The following DRGX variants were observed in gnomAD, a reference collection of about 807,000 sequenced individuals.
DRGX encodes the protein dorsal root ganglia homeobox.
Under a neutral mutation model 28.6 loss-of-function variants are expected in DRGX, and 21 were observed. That is an observed-to-expected ratio of 0.73 (90% CI 0.52 to 1.06). The LOEUF is 1.06. DRGX is among the 50% of genes least tolerant of loss of function. The pLI is 0.00. For missense variants in DRGX, 354 were observed against 343.9 expected, an observed-to-expected ratio of 1.03 and a Z score of -0.23; for synonymous variants, 136 against 139.1, an observed-to-expected ratio of 0.98 and a Z score of 0.16.
At chr10:49,392,807 G>GA (rs1849924651) in intron 2 of DRGX, among the ~76,000 whole-genome samples, 1 of 152,148 alleles carries the variant, frequency 6.6e-6, no homozygotes, top group African/African-American at 2.4e-5. Context: ...AAAATAAGTA[G>GA]AATAGTCGAT....
Position 49,390,152 on chromosome 10 carries a change from A to G in DRGX, c.215T>C (p.Leu72Pro). The G allele has an allele frequency of 1.2e-6, 2 of 1,612,178 alleles. No individual in the cohort carries two copies. Among genetic ancestry groups the G allele is most frequent in the Non-Finnish European group, 1.7e-6 (2 of 1,179,216 alleles). ...GTTTACCTGCACTCTGGCTTCTGTG[A>G]GGTTTATTTTCATGGCGAGCTCTTC... ...TREELAMKIN[L>P]TEARVQVWFQ... Residue 72 changes from leucine (L) to proline (P), a missense_variant, in exon 4 of 7, where the codon CTC becomes CCC. Coordinates refer to ENST00000374139, the MANE Select transcript of DRGX (RefSeq NM_001276451.2).
intron 6 of DRGX, among the ~76,000 whole-genome samples, chr10:49,374,880 G>T (rs1192059893): frequency 6.6e-6 from 1 of 152,196 alleles, no homozygotes; most frequent in African/African-American, 2.4e-5. Flanking sequence ...AGGGTAACAA[G>T]AGTTGAACAG....
At chr10:49,372,283 A>G (rs1258525069) in intron 6 of DRGX, among the ~76,000 whole-genome samples, 1 of 152,248 alleles carries the variant, frequency 6.6e-6, no homozygotes, top group Non-Finnish European at 1.5e-5. Flanking sequence ...CCAAGTCATC[A>G]TTATGGAAAT....
At chr10:49,394,674 G>A (rs1217458227) in intron 2 of DRGX, among the ~76,000 whole-genome samples, 1 of 152,140 alleles carries the variant, frequency 6.6e-6, no homozygotes, top group Non-Finnish European at 1.5e-5. Context: ...ACCAACCCAC[G>A]CCCCCACTAA....
intron 6 of DRGX, among the ~76,000 whole-genome samples, chr10:49,383,241 G>T (rs372697678): frequency 2.6e-5 from 4 of 152,216 alleles, no homozygotes; most frequent in Admixed American, 6.5e-5. Flanking sequence ...CCACACTACC[G>T]TGAGAATTGA....
chr10:49,373,178 C>CA (rs1228608559), intron 6 of DRGX, among the ~76,000 whole-genome samples: 3 of 151,834 alleles, frequency 2.0e-5, no homozygotes, highest in Non-Finnish European at 4.4e-5. Context: ...CATATAGCAG[C>CA]AAAAAATCAT....
chr10:49,370,242 T>C (rs965594155), intron 6 of DRGX, among the ~76,000 whole-genome samples: 2 of 152,046 alleles, frequency 1.3e-5, no homozygotes, highest in Admixed American at 1.3e-4. Flanking sequence ...CCGTCTCTAC[T>C]AAAAATACAA....
At chr10:49,380,096 T>G (rs893369192) in intron 6 of DRGX, among the ~76,000 whole-genome samples, 1 of 152,226 alleles carries the variant, frequency 6.6e-6, no homozygotes, top group Admixed American at 6.5e-5. Flanking sequence ...CCAGAAGGCT[T>G]ACCCCTCCCA....
rs375463128 is a variant in DRGX at position 49,368,341 on chromosome 10, C to T, written c.527-1960G>A. Among the ~76,000 whole-genome samples, 43 of 152,372 alleles carry T rather than the reference C, an allele frequency of 2.8e-4. No individual in the cohort carries two copies. The South Asian group carries it at 8.7e-3, about 31-fold the overall frequency. On this transcript the variant is annotated intron_variant, in intron 6 of 6. Coordinates refer to ENST00000374139, the MANE Select transcript of DRGX (RefSeq NM_001276451.2). ...TTGACTGAGGGACTGATCCCGTAGG[C>T]AGCAGATACCAAGATGAGTGTGAGG...
At chr10:49,394,411 T>G (rs1473659286) in intron 2 of DRGX, among the ~76,000 whole-genome samples, 1 of 152,194 alleles carries the variant, frequency 6.6e-6, no homozygotes, top group African/African-American at 2.4e-5. Context: ...CTCCCACAAC[T>G]ACTTGGCTTC....
At chr10:49,366,483 T>C in intron 6 of DRGX, 102 bp from the exon 7 acceptor site, 1 of 1,467,630 alleles carries the variant, frequency 6.8e-7, no homozygotes, top group South Asian at 1.4e-5. Flanking sequence ...GAAAGATTGA[T>C]TCCCTCTGGT....
intron 2 of DRGX, among the ~76,000 whole-genome samples, chr10:49,394,076 T>C (rs2132488978): frequency 6.6e-6 from 1 of 152,248 alleles, no homozygotes; most frequent in South Asian, 2.1e-4. Context: ...CCTCATCCCC[T>C]AGGGTACACT....
chr10:49,389,840 CTTTTTTTT>C, intron 4 of DRGX, among the ~76,000 whole-genome samples: 1 of 138,008 alleles, frequency 7.2e-6, no homozygotes, highest in East Asian at 2.1e-4. Context: ...TTCTTTCTTT[CTTTTTTTT>C]TTTTTTTCCA....
chr10:49,385,285 A>G (rs1290888152), intron 6 of DRGX, among the ~76,000 whole-genome samples: 1 of 152,120 alleles, frequency 6.6e-6, no homozygotes, highest in East Asian at 1.9e-4. Flanking sequence ...AGCTGCCTGG[A>G]CCACTCAGAA....
rs371034824 is a variant in DRGX, at chr10:49,395,407, C to T, written c.34G>A (p.Gly12Ser). The change falls in exon 2 of 7, where the codon GGC (glycine) becomes AGC (serine). Residue 12 changes from glycine (G) to serine (S), a missense_variant and splice_region_variant. Transcript: ENST00000374139. ...ACCCTGGGGCGCAGCGCTTACTTACCCTCTAGCTGTGGCGGGCAGTGGAAA... is the reference window on the plus strand; with the variant it reads ...ACCCTGGGGCGCAGCGCTTACTTACTCTCTAGCTGTGGCGGGCAGTGGAAA... ...FYFHCPPQLE[G>S]TATFGNHSSG... The T allele has an allele frequency of 1.7e-5, 27 of 1,550,192 alleles. No homozygotes were observed. The African/African-American group carries it at 2.9e-4, about 17-fold the overall frequency.
chr10:49,387,755 A>T (rs1164529006), intron 4 of DRGX, among the ~76,000 whole-genome samples: 1 of 152,168 alleles, frequency 6.6e-6, no homozygotes, highest in Admixed American at 6.5e-5. Context: ...ACCTCAGTAA[A>T]TCTGGTTTAG....
chr10:49,388,509 G>A (rs1849865087), intron 4 of DRGX, among the ~76,000 whole-genome samples: 1 of 152,162 alleles, frequency 6.6e-6, no homozygotes, highest in Non-Finnish European at 1.5e-5. Flanking sequence ...GCACATATCA[G>A]CAACCATTGA....
intron 1 of DRGX, 66 bp from the exon 2 acceptor site, chr10:49,395,587 C>CTGG: frequency 1.1e-6 from 1 of 921,168 alleles, no homozygotes; most frequent in Non-Finnish European, 1.7e-6. Context: ...AGCCCTAGGG[C>CTGG]GCACCCGGCG....
In DRGX at chr10:49,364,079, C is replaced by G. The variant is rs998897539; in HGVS notation, c.*2037G>C. 3 of 152,206 alleles carry G rather than the reference C, an allele frequency of 2.0e-5. No individual in the cohort carries two copies. Among genetic ancestry groups the G allele is most frequent in the African/African-American group, 7.2e-5 (3 of 41,448 alleles). The allele number at this position is 152,206 out of a possible 1,614,324, so 9.4% of individuals were successfully genotyped here. ...GCTTTTTCGGTCTTTGTTTTAACTC[C>G]TCTAAATTTATTTGGGTATTTAAAC... On this transcript the variant is annotated 3_prime_UTR_variant, in exon 7 of 7. Transcript: ENST00000374139.
Sources: allele counts gnomAD v4.1 joint callset (sites outside exome capture counted in the v4.1 genomes callset), GRCh38; gene constraint gnomAD v4.1.1; transcripts MANE v1.5; gene names NCBI Gene and HGNC (gene_info 2026-07-23, HGNC 2026-07-21).